Variants in SART3 observed in about 807,000 individuals in gnomAD.
SART3 encodes HIV-1 Tat-interacting protein of 110kDa.
Under a neutral mutation model 122.3 loss-of-function variants are expected in SART3, and 44 were observed. The observed-to-expected ratio is 0.36, with a 90% CI of 0.28 to 0.46. The LOEUF is 0.46. SART3 is among the 20% of genes least tolerant of loss of function. SART3 has a pLI of 1.00. For missense variants in SART3, 1,101 were observed against 1,229.0 expected (o/e 0.90, Z 1.56); for synonymous variants, 442 against 454.0 (o/e 0.97, Z 0.34).
intron 1 of SART3, among the ~76,000 whole-genome samples, chr12:108,558,140 A>C (rs6539443): frequency 0.81 from 123,589 of 151,870 alleles, 50,465 homozygotes; most frequent in East Asian, 0.93. Context: ...CTACTCCAGC[A>C]TGGGCAAGAG....
At chr12:108,539,963 G>A (rs1310790562) in intron 6 of SART3, among the ~76,000 whole-genome samples, 1 of 152,188 alleles carries the variant, frequency 6.6e-6, no homozygotes, top group East Asian at 1.9e-4. Flanking sequence ...AAATCTAAAT[G>A]AGGGTGGCAA....
intron 4 of SART3, 75 bp from the exon 5 acceptor site, chr12:108,544,553 T>TA: frequency 1.3e-6 from 2 of 1,599,168 alleles, no homozygotes; most frequent in Non-Finnish European, 1.7e-6. Context: ...AAATTAGTAG[T>TA]AAATGACAAA....
intron 1 of SART3, chr12:108,560,551 G>A: frequency 2.2e-6 from 1 of 447,316 alleles, no homozygotes; most frequent in South Asian, 5.6e-5. Flanking sequence ...CTTGCAGGAA[G>A]TGTTATCTTG....
rs1872165598 is a variant in SART3 at position 108,522,348 on chromosome 12, G to A, written c.*1109C>T. Among the ~76,000 whole-genome samples the A allele has an allele frequency of 6.6e-6, 1 of 152,196 alleles. No homozygotes were observed. The highest frequency in any genetic ancestry group is 2.1e-4 in the South Asian group (1 of 4,834). The stretch of plus-strand genomic sequence containing the variant: ...TAAACTTACGCAACAGATAAATGAG[G>A]AGTTGATTCCCACGACATATACAAG... On this transcript the variant is annotated 3_prime_UTR_variant, in exon 19 of 19. Transcript: ENST00000546815.
chr12:108,540,825 G>C (rs1873128289), intron 6 of SART3, among the ~76,000 whole-genome samples: 1 of 152,170 alleles, frequency 6.6e-6, no homozygotes, highest in Admixed American at 6.5e-5. Context: ...GACAGATGTG[G>C]CACTGCACAT....
intron 5 of SART3, 39 bp downstream of exon 5, chr12:108,544,388 C>G (rs1873308322): frequency 6.4e-7 from 1 of 1,568,396 alleles, no homozygotes; most frequent in Non-Finnish European, 8.8e-7. Flanking sequence ...ATTTTAAAAA[C>G]CATAGAGGGC....
intron 18 of SART3, chr12:108,524,028 C>T: frequency 5.4e-6 from 3 of 557,712 alleles, no homozygotes; most frequent in African/African-American, 1.9e-5. Flanking sequence ...TGTAAACACA[C>T]AGATCCAACT....
intron 15 of SART3, among the ~76,000 whole-genome samples, chr12:108,527,771 T>G (rs1872456664): frequency 6.6e-6 from 1 of 152,198 alleles, no homozygotes; most frequent in Admixed American, 6.5e-5. Flanking sequence ...TTTTTTTGTT[T>G]TGTTTTGTTT....
At chr12:108,524,193 C>T (rs925127121) in intron 18 of SART3, 123 bp downstream of exon 18, 3 of 875,698 alleles carry the variant, frequency 3.4e-6, no homozygotes, top group Non-Finnish European at 5.7e-6. Flanking sequence ...CCACAAGGAA[C>T]AGCACATCTT....
intron 15 of SART3, among the ~76,000 whole-genome samples, chr12:108,526,771 C>T (rs1313197763): frequency 1.3e-5 from 2 of 152,064 alleles, no homozygotes; most frequent in Non-Finnish European, 2.9e-5. Context: ...TAAGTGGGCT[C>T]AATCAAGTGG....
chr12:108,555,580 G>A (rs540606882), intron 1 of SART3, among the ~76,000 whole-genome samples: 56 of 152,294 alleles, frequency 3.7e-4, no homozygotes, highest in African/African-American at 1.2e-3. Flanking sequence ...TGAAAGGATC[G>A]CTTCAGCCCA....
intron 15 of SART3, among the ~76,000 whole-genome samples, chr12:108,528,832 C>T (rs1371586491): frequency 2.6e-5 from 4 of 152,010 alleles, no homozygotes; most frequent in Non-Finnish European, 5.9e-5. Context: ...CAGAGAAGGG[C>T]GTGACACAGC....
intron 15 of SART3, among the ~76,000 whole-genome samples, chr12:108,527,726 G>A (rs914449383): frequency 2.6e-5 from 4 of 152,182 alleles, no homozygotes; most frequent in Non-Finnish European, 5.9e-5. Context: ...TATTAAGAAA[G>A]TATACAGAGT....
At chr12:108,523,744 A>AG in intron 18 of SART3, 110 bp from the exon 19 acceptor site, 2 of 669,248 alleles carry the variant, frequency 3.0e-6, no homozygotes, top group Non-Finnish European at 2.3e-6. Context: ...TTAAAAGGTG[A>AG]AAAAAAAAAA....
At chr12:108,546,334 G>C (rs1225981926) in intron 3 of SART3, among the ~76,000 whole-genome samples, 1 of 151,628 alleles carries the variant, frequency 6.6e-6, no homozygotes, top group African/African-American at 2.4e-5. Flanking sequence ...CAAGTAGCTG[G>C]GACAACAGGA....
chr12:108,536,394 C>T, intron 11 of SART3, 120 bp downstream of exon 11: 2 of 988,210 alleles, frequency 2.0e-6, no homozygotes, highest in Admixed American at 3.4e-5. Context: ...TAGGTAATAA[C>T]ATAAATCCTT....
intron 12 of SART3, chr12:108,532,690 T>C (rs761328052): frequency 3.3e-4 from 104 of 314,830 alleles, no homozygotes; most frequent in Middle Eastern, 1.1e-3. Flanking sequence ...AATTTTACTA[T>C]GGCGTCCTAC....
At chr12:108,552,687 G>T (rs1239157666) in intron 1 of SART3, among the ~76,000 whole-genome samples, 1 of 151,956 alleles carries the variant, frequency 6.6e-6, no homozygotes, top group Non-Finnish European at 1.5e-5. Context: ...GCTGAGGAAA[G>T]AAATCAAAGA....
In SART3 at chr12:108,523,148, G is replaced by A; in HGVS notation, c.*309C>T. 2.1e-6 allele frequency: 1 copy of A among 467,722 alleles called. No individual in the cohort carries two copies. 29.0% of individuals were successfully genotyped at this position (467,722 alleles called of 1,614,324 possible). ...TGGCCAGAAACATTTGGACAACTGT[G>A]TCTCAAAAACAGTGTGTTCTCGTTT... On this transcript the variant is annotated 3_prime_UTR_variant, in exon 19 of 19. Coordinates refer to ENST00000546815, the MANE Select transcript of SART3 (RefSeq NM_014706.4).
Sources: gnomAD v4.1 joint callset for allele counts (sites outside exome capture counted in the v4.1 genomes callset) on GRCh38, gnomAD v4.1.1 for gene constraint, MANE v1.5 for transcripts, NCBI Gene and HGNC (gene_info 2026-07-23, HGNC 2026-07-21) for gene names.